Variants in A3GALT2 observed in about 807,000 individuals in gnomAD.
A3GALT2 encodes alpha 1,3-galactosyltransferase 2.
A neutral mutation model predicts 16.6 loss-of-function variants in A3GALT2; 14 were observed. The observed-to-expected ratio is 0.84, with a 90% CI of 0.56 to 1.32. The LOEUF (loss-of-function observed/expected upper bound fraction) is 1.32. A3GALT2 is among the 40% of genes most tolerant of loss of function. A3GALT2 has a pLI of 0.00. For synonymous variants in A3GALT2, 253 were observed against 218.0 expected, an observed-to-expected ratio of 1.16 and a Z score of -1.42; for missense variants, 600 against 490.9, an observed-to-expected ratio of 1.22 and a Z score of -2.10.
At position 33,320,304 on chromosome 1, in the gene A3GALT2, T is replaced by C. The variant is rs1012793505; in HGVS notation, c.23+772A>G. On this transcript the variant is annotated intron_variant, in intron 1 of 4. Coordinates refer to ENST00000442999, the MANE Select transcript of A3GALT2 (RefSeq NM_001080438.1). This position sits in a 1 kb window ranked among gnomAD's most constrained non-coding sequence, Gnocchi z 4.3. ...AGGAGCAGGAAAAGGCTGGAGGGGC[T>C]TTCTCCCCCTCTGTGGCTGTCCCAC... Among the ~76,000 whole-genome samples, 1 of 151,970 alleles carries C rather than the reference T, an allele frequency of 6.6e-6. No homozygotes were observed. The highest frequency in any genetic ancestry group is 2.4e-5 in the African/African-American group (1 of 41,412).
chr1:33,316,340 G>A (rs1353176306), intron 1 of A3GALT2, among the ~76,000 whole-genome samples: 3 of 152,098 alleles, frequency 2.0e-5, no homozygotes, highest in South Asian at 2.1e-4. Flanking sequence ...TGTCAGGCTC[G>A]GGGAATTGGA....
chr1:33,317,544 C>T (rs190176071), intron 1 of A3GALT2, among the ~76,000 whole-genome samples: 3 of 152,210 alleles, frequency 2.0e-5, no homozygotes, highest in Non-Finnish European at 4.4e-5. Flanking sequence ...AAGTCCAGCT[C>T]CTCCACTGTA....
intron 4 of A3GALT2, among the ~76,000 whole-genome samples, chr1:33,309,077 G>C (rs968510958): frequency 2.5e-4 from 38 of 151,730 alleles, no homozygotes; most frequent in African/African-American, 9.2e-4. Flanking sequence ...GAGAGCACGG[G>C]GTTGGGGGTA....
chr1:33,312,537 TG>T lies in A3GALT2; in HGVS notation c.160del (p.Gln54SerfsTer2). 1.2e-6 allele frequency: 2 copies of T among 1,603,862 alleles called. No individual in the cohort carries two copies. Among genetic ancestry groups the T allele is most frequent in the East Asian group, 4.5e-5 (2 of 44,750 alleles). On this transcript the variant is annotated frameshift_variant, in exon 3 of 5. Transcript: ENST00000442999. LOFTEE classifies it high-confidence loss of function. Reference sequence around the variant, plus strand: ...GGCACCTGTGAAGTTGTCTCTCAGCTGGGACATTGTGGCCGAAGGGCAGACG... The same window carrying T: ...GGCACCTGTGAAGTTGTCTCTCAGCTGGACATTGTGGCCGAAGGGCAGACG... ...MGVCPSATMSQLRDNFTGALR... is the reference protein window; with the variant it reads ...MGVCPSATMSXLRDNFTGALR...
chr1:33,312,641 C>T, intron 2 of A3GALT2, 51 bp from the exon 3 acceptor site: 1 of 1,510,386 alleles, frequency 6.6e-7, no homozygotes, highest in Non-Finnish European at 9.0e-7. Context: ...AGCATGTCAG[C>T]CTGGCCAGGA....
Position 33,321,023 on chromosome 1 carries a change from T to TAG in A3GALT2, c.23+51_23+52dup. The TAG allele has an allele frequency of 3.1e-6, 5 of 1,609,478 alleles. No homozygotes were observed. In the Middle Eastern group the frequency reaches 6.6e-4, roughly 213 times the overall value. Reference sequence around the variant, plus strand: ...TTTAGCCATCAGACTGGATCCCTCTTAGCTCAGCTGTCCCCAAGCTTTCTT... The same window carrying TAG: ...TTTAGCCATCAGACTGGATCCCTCTTAGAGCTCAGCTGTCCCCAAGCTTTCTT... On this transcript the variant is annotated intron_variant, in intron 1 of 4. Transcript: ENST00000442999.
Position 33,306,880 on chromosome 1 carries a change from G to T in A3GALT2, c.909C>A (p.Pro303=). The T allele has an allele frequency of 6.6e-7, 1 of 1,520,634 alleles. No homozygotes were observed. The highest frequency in any genetic ancestry group is 8.8e-7 in the Non-Finnish European group (1 of 1,139,812). 94.2% of individuals were successfully genotyped at this position (1,520,634 alleles called of 1,614,324 possible). ...HLNKFFWLHK[P]AKVLSPEFCW... ...AGAACTCGGGCGACAGCACCTTGGC[G>T]GGCTTGTGCAGCCAGAAGAACTTGT... The change falls in exon 5 of 5, where the codon CCC becomes CCA. Residue 303 remains proline (P), a synonymous_variant. Transcript: ENST00000442999.
Position 33,307,429 on chromosome 1 carries a change from G to A in A3GALT2, c.360C>T (p.Arg120=). ...VGRYLEKYLE[R]FLETAEQHFM... is the part of the protein sequence containing the mutation. ...AGTGCTGCTCCGCCGTCTCCAGGAAGCGCTCCAGGTACTTCTCCAGGTATC... is the reference window on the plus strand; with the variant it reads ...AGTGCTGCTCCGCCGTCTCCAGGAAACGCTCCAGGTACTTCTCCAGGTATC... Residue 120 remains arginine (R), a synonymous_variant, in exon 5 of 5, where the codon CGC becomes CGT. Transcript: ENST00000442999. The A allele has an allele frequency of 6.5e-7, 1 of 1,537,716 alleles. No homozygotes were observed. Among genetic ancestry groups the A allele is most frequent in the Admixed American group, 2.0e-5 (1 of 49,164 alleles).
chr1:33,311,738 A>C (rs1460482760), intron 4 of A3GALT2, among the ~76,000 whole-genome samples: 1 of 152,130 alleles, frequency 6.6e-6, no homozygotes, highest in African/African-American at 2.4e-5. Context: ...GAAAGACTCC[A>C]TCATTTTCTC....
At chr1:33,311,294 G>A (rs529026680) in intron 4 of A3GALT2, among the ~76,000 whole-genome samples, 57 of 152,158 alleles carry the variant, frequency 3.7e-4, no homozygotes, top group African/African-American at 1.3e-3. Flanking sequence ...CTCCTTTCCT[G>A]TAGTGATTTT....
At chr1:33,318,807 C>T (rs1029333486) in intron 1 of A3GALT2, among the ~76,000 whole-genome samples, 3 of 152,198 alleles carry the variant, frequency 2.0e-5, no homozygotes, top group Non-Finnish European at 4.4e-5. Flanking sequence ...CAGACCTCTC[C>T]TCCAGTACCT....
chr1:33,306,958 G>A lies in A3GALT2; in HGVS notation c.831C>T (p.Asp277=). ...GLTAHCAGGL[D]WDRARGLEAR... The stretch of plus-strand genomic sequence containing the variant: ...CCTCCAGGCCGCGCGCGCGGTCCCA[G>A]TCCAGGCCCCCCGCACAGTGCGCCG... Residue 277 remains aspartate, a synonymous_variant, in exon 5 of 5, where the codon GAC becomes GAT. Coordinates refer to ENST00000442999, the MANE Select transcript of A3GALT2 (RefSeq NM_001080438.1). 2 of 1,505,428 alleles carry A rather than the reference G, an allele frequency of 1.3e-6. No individual in the cohort carries two copies. Among genetic ancestry groups the A allele is most frequent in the Non-Finnish European group, 1.8e-6 (2 of 1,133,378 alleles). The allele number at this position is 1,505,428 out of a possible 1,614,324, so 93.3% of individuals were successfully genotyped here.
At position 33,320,926 on chromosome 1, in the gene A3GALT2, G is replaced by T; in HGVS notation, c.23+150C>A. On this transcript the variant is annotated intron_variant, in intron 1 of 4. Transcript: ENST00000442999. The surrounding 1 kb of genome is among the most constrained non-coding windows in gnomAD (Gnocchi z 4.3). The stretch of plus-strand genomic sequence containing the variant: ...TCCTGGGGCAATGTCCCCTCTCGGA[G>T]CCACCTTTCCCCAGGACTGGAGGCT... 1.0e-6 allele frequency: 1 copy of T among 974,992 alleles called. No homozygotes were observed. Among genetic ancestry groups the T allele is most frequent in the Non-Finnish European group, 1.6e-6 (1 of 641,954 alleles). 60.4% of individuals were successfully genotyped at this position (974,992 alleles called of 1,614,324 possible).
At position 33,307,359 on chromosome 1, in the gene A3GALT2, G is replaced by T; in HGVS notation, c.430C>A (p.Pro144Thr). ...SVMYYVFTEL[P>T]GAVPRVALGP... ...AGCGCCACGCGGGGCACCGCTCCCG[G>T]AAGCTCGGTGAACACGTAGTACATC... The change falls in exon 5 of 5, where the codon CCG becomes ACG. Residue 144 changes from proline to threonine, a missense_variant. Physicochemically the swap from Pro to Thr is conservative, Grantham distance 38. Coordinates refer to ENST00000442999, the MANE Select transcript of A3GALT2 (RefSeq NM_001080438.1). 6.4e-7 allele frequency: 1 copy of T among 1,550,692 alleles called. No homozygotes were observed. The highest frequency in any genetic ancestry group is 8.7e-7 in the Non-Finnish European group (1 of 1,155,874).
Position 33,307,284 on chromosome 1 carries a change from AGCGCCGCTCGC to A in A3GALT2, c.494_504del (p.Arg165LeufsTer85). 1 of 1,440,624 alleles carries A rather than the reference AGCGCCGCTCGC, an allele frequency of 6.9e-7. No individual in the cohort carries two copies. The highest frequency in any genetic ancestry group is 3.2e-5 in the Admixed American group (1 of 31,658). 89.2% of individuals were successfully genotyped at this position (1,440,624 alleles called of 1,614,324 possible). A position where few individuals can be genotyped will look rare whatever the true frequency, so the allele number is the denominator to read the frequency against. On this transcript the variant is annotated frameshift_variant, in exon 5 of 5. Transcript: ENST00000442999. LOFTEE classifies it low-confidence loss of function (END_TRUNC). ...ATGCGCGCCATCGACACGTCTTGCC[AGCGCCGCTCGC>A]GCGCCACGCGCTCCACGGGCAGCCG...
In A3GALT2 at chr1:33,312,868, G is replaced by A. The variant is rs780420729; in HGVS notation, c.46C>T (p.Arg16Trp). The A allele has an allele frequency of 3.0e-5, 48 of 1,606,242 alleles. No individual in the cohort carries two copies. Among genetic ancestry groups the A allele is most frequent in the Middle Eastern group, 1.7e-4 (1 of 5,990 alleles). The change falls in exon 2 of 5, where the codon CGG becomes TGG. Residue 16 changes from arginine to tryptophan, a missense_variant. Physicochemically the swap from Arg to Trp is moderately radical, Grantham distance 101. Transcript: ENST00000442999. ...AGGCCAAGTGTAAGTAGGATCTGCC[G>A]CCAGAAGATTCTCTTCCAGGCCCTG... ...GLRAWKRIFW[R>W]QILLTLGLLG...
chr1:33,317,356 A>C (rs965114636), intron 1 of A3GALT2, among the ~76,000 whole-genome samples: 2 of 152,210 alleles, frequency 1.3e-5, no homozygotes, highest in African/African-American at 4.8e-5. Flanking sequence ...TGTGCAATAA[A>C]ATTAGTTTCT....
At chr1:33,309,410 C>T (rs10914679) in intron 4 of A3GALT2, among the ~76,000 whole-genome samples, 61,180 of 150,188 alleles carry the variant, frequency 0.41, 14,121 homozygotes, top group African/African-American at 0.66. Context: ...CCCCACCTCC[C>T]TCCCGGACGG....
At chr1:33,309,589 G>A (rs1646222850) in intron 4 of A3GALT2, among the ~76,000 whole-genome samples, 1 of 149,906 alleles carries the variant, frequency 6.7e-6, no homozygotes, top group South Asian at 2.1e-4. Flanking sequence ...TCTCAGACGG[G>A]GCGGCCGGGC....
Sources: gnomAD v4.1 joint callset for allele counts (sites outside exome capture counted in the v4.1 genomes callset) on GRCh38, gnomAD v4.1.1 for gene constraint, Gnocchi (gnomAD v3.1) non-coding constraint, MANE v1.5 for transcripts, NCBI Gene and HGNC (gene_info 2026-07-23, HGNC 2026-07-21) for gene names.